The following MRTFA variants were observed in gnomAD, a reference collection of about 807,000 sequenced individuals.
The protein encoded by MRTFA is myocardin-related transcription factor A.
MRTFA carries 20 observed loss-of-function variants against 83.5 expected under a neutral mutation model. The ratio of observed to expected loss-of-function variants is 0.24; its 90% CI spans 0.17 to 0.35. The LOEUF (loss-of-function observed/expected upper bound fraction) is 0.35. Among genes scored for constraint, MRTFA ranks in the 10% least tolerant of loss-of-function variants. MRTFA has a pLI of 1.00. For missense variants in MRTFA, 1,200 were observed against 1,224.7 expected (o/e 0.98, Z 0.30); for synonymous variants, 659 against 541.2 (o/e 1.22, Z -3.02).
chr22:40,571,026 CAAAAAAAAAAA>C lies in MRTFA; in HGVS notation c.-21-18670_-21-18660del, dbSNP rs71199292. Among the ~76,000 whole-genome samples the C allele has an allele frequency of 5.7e-3, 268 of 46,720 alleles. 2 individuals are homozygous for C. In the South Asian group the frequency reaches 0.079, roughly 14 times the overall value. The allele number at this position is 46,720 out of a possible 152,430, so 30.7% of individuals were successfully genotyped here. On this transcript the variant is annotated intron_variant, in intron 2 of 14. Transcript: ENST00000355630. The stretch of plus-strand genomic sequence containing the variant: ...GCAACATAGTGAATCCCTGTCTCTA[CAAAAAAAAAAA>C]AAAAAAAAAAAAAAAAAAAAAATTA...
At chr22:40,431,627 G>T in intron 5 of MRTFA, 147 bp from the exon 6 acceptor site, 1 of 726,250 alleles carries the variant, frequency 1.4e-6, no homozygotes, top group Non-Finnish European at 2.4e-6. Context: ...AGGGTTCGGA[G>T]GCAAGAGTAG....
intron 7 of MRTFA, among the ~76,000 whole-genome samples, chr22:40,426,904 G>A (rs2052965890): frequency 6.6e-6 from 1 of 152,206 alleles, no homozygotes; most frequent in Admixed American, 6.5e-5. Context: ...CATCGTGTGT[G>A]ATCCTGCAAG....
intron 3 of MRTFA, among the ~76,000 whole-genome samples, chr22:40,467,393 C>T (rs2053828217): frequency 6.6e-6 from 1 of 151,996 alleles, no homozygotes; most frequent in African/African-American, 2.4e-5. Context: ...CTAAGACTTC[C>T]AACTACAAAG....
chr22:40,544,990 G>C (rs1370870398), intron 3 of MRTFA, among the ~76,000 whole-genome samples: 2 of 150,202 alleles, frequency 1.3e-5, no homozygotes, highest in African/African-American at 4.9e-5. Flanking sequence ...ATAACGGAAA[G>C]TGATTTCTTT....
intron 2 of MRTFA, chr22:40,586,880 C>T: frequency 2.4e-6 from 1 of 415,044 alleles, no homozygotes; most frequent in Non-Finnish European, 4.9e-6. Context: ...CTGATTTGGC[C>T]TCTAGTGCTG....
intron 3 of MRTFA, chr22:40,519,629 C>A: frequency 5.5e-6 from 7 of 1,275,852 alleles, no homozygotes; most frequent in Admixed American, 3.0e-5. Flanking sequence ...TACATAAAAG[C>A]AAAAAAGAAA....
At chr22:40,418,286 G>A (rs924430173) in intron 12 of MRTFA, 88 bp downstream of exon 12, 92 of 1,531,040 alleles carry the variant, frequency 6.0e-5, no homozygotes, top group Admixed American at 2.5e-4. Flanking sequence ...TGTCCAGCAC[G>A]AGGGGTCCCC....
At position 40,636,704 on chromosome 22, in the gene MRTFA, C is replaced by A. The variant is rs1192807820; in HGVS notation, c.-310G>T. ...TGCCGCCGCCGGCTCCTCTCAGCCACGGAAGCTGCGGGCCCGCCCACCACG... is the reference window on the plus strand; with the variant it reads ...TGCCGCCGCCGGCTCCTCTCAGCCAAGGAAGCTGCGGGCCCGCCCACCACG... On this transcript the variant is annotated 5_prime_UTR_variant, in exon 1 of 15. Coordinates refer to ENST00000355630, the MANE Select transcript of MRTFA (RefSeq NM_020831.6). 1 of 152,344 alleles carries A rather than the reference C, an allele frequency of 6.6e-6. No homozygotes were observed. The highest frequency in any genetic ancestry group is 2.4e-5 in the African/African-American group (1 of 41,444). 9.4% of individuals were successfully genotyped at this position (152,344 alleles called of 1,614,324 possible). A position where few individuals can be genotyped will look rare whatever the true frequency, so the allele number is the denominator to read the frequency against.
At chr22:40,569,587 G>A (rs528793275) in intron 2 of MRTFA, among the ~76,000 whole-genome samples, 63 of 152,234 alleles carry the variant, frequency 4.1e-4, no homozygotes, top group African/African-American at 1.3e-3. Context: ...AGTTGGGCAC[G>A]ATGGCAGCTG....
intron 7 of MRTFA, 139 bp from the exon 8 acceptor site, chr22:40,424,520 T>TA: frequency 1.1e-6 from 1 of 870,460 alleles, no homozygotes; most frequent in South Asian, 1.6e-5. Flanking sequence ...CCGAGGAGAC[T>TA]AGCAGCCAAT....
chr22:40,553,677 C>T (rs540716463), intron 2 of MRTFA, among the ~76,000 whole-genome samples: 1 of 152,256 alleles, frequency 6.6e-6, no homozygotes, highest in East Asian at 1.9e-4. Context: ...CATGGAGAAC[C>T]TCTACTAGGG....
At chr22:40,565,950 C>A (rs1303389791) in intron 2 of MRTFA, among the ~76,000 whole-genome samples, 1 of 152,152 alleles carries the variant, frequency 6.6e-6, no homozygotes, top group African/African-American at 2.4e-5. Context: ...GTTGAGGAAA[C>A]TGAGACACTG....
In MRTFA at chr22:40,418,760, G is replaced by C; in HGVS notation, c.1978C>G (p.Arg660Gly). 6.5e-7 allele frequency: 1 copy of C among 1,538,708 alleles called. No homozygotes were observed. Among genetic ancestry groups the C allele is most frequent in the East Asian group, 2.4e-5 (1 of 41,720 alleles). Residue 660 changes from arginine (R) to glycine (G), a missense_variant, in exon 12 of 15, where the codon CGA (arginine) becomes GGA (glycine). Arg to Gly is a moderately radical substitution (Grantham distance 125, BLOSUM62 -2). Transcript: ENST00000355630. ...GGGGCGGGGGCGGGCTGCTGGGCTC[G>C]CTTCTCCTGCTCCAGCTGCAGCTTG... is the stretch of plus-strand genomic sequence containing the variant.
At position 40,535,348 on chromosome 22, in the gene MRTFA, C is replaced by CTTTTTTTTTT. The variant is rs531303160; in HGVS notation, c.241+16748_241+16757dup. Among the ~76,000 whole-genome samples, 34 of 107,126 alleles carry CTTTTTTTTTT rather than the reference C, an allele frequency of 3.2e-4. 3 individuals are homozygous for CTTTTTTTTTT. The highest frequency in any genetic ancestry group is 4.1e-4 in the Non-Finnish European group (23 of 56,584). 70.3% of individuals were successfully genotyped at this position (107,126 alleles called of 152,430 possible). On this transcript the variant is annotated intron_variant, in intron 3 of 14. Coordinates refer to ENST00000355630, the MANE Select transcript of MRTFA (RefSeq NM_020831.6). Reference sequence around the variant, plus strand: ...TAATTTGCTGTGTGAGAGGTTTTTTCTTTTTTTTTTTTTTTTTCTTTTTGA... The same window carrying CTTTTTTTTTT: ...TAATTTGCTGTGTGAGAGGTTTTTTCTTTTTTTTTTTTTTTTTTTTTTTTTTTCTTTTTGA...
intron 11 of MRTFA, 101 bp from the exon 12 acceptor site, chr22:40,419,485 C>G (rs1602209744): frequency 2.0e-6 from 2 of 1,025,190 alleles, no homozygotes; most frequent in East Asian, 4.9e-5. Flanking sequence ...ACTGCAGATG[C>G]ATCAACTACC....
chr22:40,570,145 A>G (rs991174022), intron 2 of MRTFA, among the ~76,000 whole-genome samples: 7 of 152,182 alleles, frequency 4.6e-5, no homozygotes, highest in African/African-American at 9.6e-5. Context: ...AAAAGAATAC[A>G]TAAGTTTTAG....
At chr22:40,449,633 G>T (rs1218347319) in intron 4 of MRTFA, among the ~76,000 whole-genome samples, 1 of 152,184 alleles carries the variant, frequency 6.6e-6, no homozygotes, top group Non-Finnish European at 1.5e-5. Flanking sequence ...GAGAAAGTAA[G>T]AATTTTATTT....
At chr22:40,527,803 T>C (rs1341279448) in intron 3 of MRTFA, among the ~76,000 whole-genome samples, 1 of 150,982 alleles carries the variant, frequency 6.6e-6, no homozygotes, top group African/African-American at 2.4e-5. Context: ...AAAGTGAAGT[T>C]CCAAAAAAAC....
chr22:40,472,385 G>A (rs1371810224), intron 3 of MRTFA, among the ~76,000 whole-genome samples: 1 of 152,200 alleles, frequency 6.6e-6, no homozygotes, highest in African/African-American at 2.4e-5. Context: ...GTGCGAAGCA[G>A]GTTTAATCCA....
Sources: allele counts gnomAD v4.1 joint callset (sites outside exome capture counted in the v4.1 genomes callset), GRCh38; gene constraint gnomAD v4.1.1; transcripts MANE v1.5; gene names NCBI Gene and HGNC (gene_info 2026-07-23, HGNC 2026-07-21).